Variants in SLIT2 observed in about 807,000 individuals in gnomAD.
The protein encoded by SLIT2 is slit guidance ligand 2, also known as slit homolog 2 protein.
A neutral mutation model predicts 185.7 loss-of-function variants in SLIT2; 41 were observed. The observed-to-expected ratio is 0.22, with a 90% CI of 0.17 to 0.29. The LOEUF is 0.29. Among genes scored for constraint, SLIT2 ranks in the 10% least tolerant of loss-of-function variants. The pLI, the probability that SLIT2 is intolerant of heterozygous loss-of-function variation, is 1.00. For synonymous variants in SLIT2, 693 were observed against 680.2 expected (o/e 1.02, Z -0.29); for missense variants, 1,571 against 1,909.0 (o/e 0.82, Z 3.30).
intron 4 of SLIT2, among the ~76,000 whole-genome samples, chr4:20,403,369 G>A (rs1159075511): frequency 6.6e-6 from 1 of 151,968 alleles, no homozygotes; most frequent in Non-Finnish European, 1.5e-5. Context: ...ACTGGAGACA[G>A]TGTTACAAGA....
At chr4:20,522,428 T>C (rs1720918305) in intron 12 of SLIT2, among the ~76,000 whole-genome samples, 2 of 152,160 alleles carry the variant, frequency 1.3e-5, no homozygotes, top group Admixed American at 1.3e-4. Context: ...AGGGAGAAAC[T>C]GTCATTGGAC....
Position 20,549,148 on chromosome 4 carries a change from C to T in SLIT2, c.2489+20C>T, listed in dbSNP as rs764940625. 2.8e-6 allele frequency: 4 copies of T among 1,439,398 alleles called. No homozygotes were observed. The highest frequency in any genetic ancestry group is 2.9e-6 in the Non-Finnish European group (3 of 1,025,226). 89.2% of individuals were successfully genotyped at this position (1,439,398 alleles called of 1,614,324 possible). On this transcript the variant is annotated intron_variant, in intron 24 of 36. Transcript: ENST00000504154. ...ATTACTGTAAGCATCTTGTGTTCAACAGAATATCTCTTTTCTCAGAGATCT... is the reference window on the plus strand; with the variant it reads ...ATTACTGTAAGCATCTTGTGTTCAATAGAATATCTCTTTTCTCAGAGATCT...
chr4:20,470,179 G>A (rs1466089603), intron 5 of SLIT2, among the ~76,000 whole-genome samples: 4 of 152,130 alleles, frequency 2.6e-5, no homozygotes, highest in Admixed American at 1.3e-4. Context: ...TCATTTGCAA[G>A]TATTTGACTA....
intron 9 of SLIT2, among the ~76,000 whole-genome samples, chr4:20,506,928 A>G (rs536901020): frequency 1.3e-5 from 2 of 152,178 alleles, no homozygotes; most frequent in East Asian, 3.9e-4. Context: ...GAATAACAAC[A>G]TAAACTCTGT....
rs115523215 is a variant in SLIT2 at position 20,482,622 on chromosome 4, T to C, written c.539+1835T>C. ...CACACCAAAGGGTGACATTTTATGG[T>C]TCATGGAATTAAAATAGAAATCCAA... On this transcript the variant is annotated intron_variant, in intron 6 of 36. Transcript: ENST00000504154. Among the ~76,000 whole-genome samples, 1,105 of 152,052 alleles carry C rather than the reference T, an allele frequency of 7.3e-3. 16 individuals carry two copies. Among genetic ancestry groups the C allele is most frequent in the African/African-American group, 0.025 (1,057 of 41,534 alleles).
chr4:20,524,896 A>G (rs1721150493), intron 14 of SLIT2, among the ~76,000 whole-genome samples: 1 of 152,160 alleles, frequency 6.6e-6, no homozygotes, highest in South Asian at 2.1e-4. Context: ...CTACCTAACT[A>G]TTCCAGGCGT....
chr4:20,309,121 A>G (rs1056648904), intron 4 of SLIT2, among the ~76,000 whole-genome samples: 1 of 152,140 alleles, frequency 6.6e-6, no homozygotes, highest in Non-Finnish European at 1.5e-5. Context: ...AGATATGGTC[A>G]ATTTAACAAT....
intron 26 of SLIT2, among the ~76,000 whole-genome samples, chr4:20,556,521 T>C (rs2148899077): frequency 6.6e-6 from 1 of 152,186 alleles, no homozygotes; most frequent in East Asian, 1.9e-4. Flanking sequence ...TCTTAGAGCA[T>C]CACAGTTTAC....
intron 33 of SLIT2, among the ~76,000 whole-genome samples, chr4:20,599,235 A>G (rs2148963241): frequency 6.6e-6 from 1 of 152,300 alleles, no homozygotes; most frequent in East Asian, 1.9e-4. Flanking sequence ...AATGGGTGGT[A>G]TTCGTGGGGT....
chr4:20,297,720 A>G (rs764955520), intron 4 of SLIT2, among the ~76,000 whole-genome samples: 14 of 152,150 alleles, frequency 9.2e-5, no homozygotes, highest in Non-Finnish European at 1.8e-4. Flanking sequence ...AAAATGATAT[A>G]TTTGTGTAAA....
intron 4 of SLIT2, among the ~76,000 whole-genome samples, chr4:20,420,182 C>A (rs529773910): frequency 6.6e-6 from 1 of 152,138 alleles, no homozygotes; most frequent in Non-Finnish European, 1.5e-5. Flanking sequence ...ACTTCTAATG[C>A]GTACATTTTT....
chr4:20,330,559 A>G (rs1409233145), intron 4 of SLIT2, among the ~76,000 whole-genome samples: 1 of 152,136 alleles, frequency 6.6e-6, no homozygotes, highest in African/African-American at 2.4e-5. Context: ...ATGAATTAAT[A>G]GTTTTAAAGC....
chr4:20,595,914 C>A, intron 31 of SLIT2, 80 bp downstream of exon 31: 6 of 1,215,304 alleles, frequency 4.9e-6, no homozygotes, highest in Non-Finnish European at 7.0e-6. Context: ...ATAGTGTAAT[C>A]GTACATTTTA....
chr4:20,358,472 G>A lies in SLIT2; in HGVS notation c.395+89591G>A, dbSNP rs137909644. Among the ~76,000 whole-genome samples, 1,261 of 152,150 alleles carry A rather than the reference G, an allele frequency of 8.3e-3. 15 individuals are homozygous for A. Among genetic ancestry groups the A allele is most frequent in the African/African-American group, 0.029 (1,210 of 41,522 alleles). The stretch of plus-strand genomic sequence containing the variant: ...TACTTTTTTGTAAATTTAAATTGAC[G>A]AGGTAGGTAGAGTATCACGATAAGC... On this transcript the variant is annotated intron_variant, in intron 4 of 36. Coordinates refer to ENST00000504154, the MANE Select transcript of SLIT2 (RefSeq NM_004787.4).
intron 4 of SLIT2, among the ~76,000 whole-genome samples, chr4:20,348,358 C>T (rs1169040796): frequency 6.6e-6 from 1 of 151,978 alleles, no homozygotes; most frequent in Non-Finnish European, 1.5e-5. Context: ...TCTGCCTCAG[C>T]CTCCCAAGTA....
intron 9 of SLIT2, among the ~76,000 whole-genome samples, 169 bp downstream of exon 9, chr4:20,492,068 T>C (rs1225813989): frequency 3.3e-5 from 5 of 152,206 alleles, no homozygotes; most frequent in Admixed American, 6.5e-5. Context: ...AAACATACCA[T>C]GTTAAAGTGG....
At chr4:20,428,097 A>G (rs1456508244) in intron 4 of SLIT2, among the ~76,000 whole-genome samples, 1 of 152,128 alleles carries the variant, frequency 6.6e-6, no homozygotes, top group Non-Finnish European at 1.5e-5. Flanking sequence ...GTAGATTTAA[A>G]CCCATGTTTG....
intron 3 of SLIT2, among the ~76,000 whole-genome samples, chr4:20,261,422 G>GT (rs1181117956): frequency 3.3e-5 from 5 of 151,634 alleles, no homozygotes; most frequent in Admixed American, 6.6e-5. Flanking sequence ...ATTAATTTGA[G>GT]TTTTTTTTGG....
At chr4:20,474,279 T>C (rs1303987796) in intron 5 of SLIT2, among the ~76,000 whole-genome samples, 3 of 152,030 alleles carry the variant, frequency 2.0e-5, no homozygotes, top group Admixed American at 2.0e-4. Context: ...AAAAAATTAG[T>C]AGCTCAGCAG....
Sources: allele counts gnomAD v4.1 joint callset (sites outside exome capture counted in the v4.1 genomes callset), GRCh38; gene constraint gnomAD v4.1.1; transcripts MANE v1.5; gene names NCBI Gene and HGNC (gene_info 2026-07-23, HGNC 2026-07-21).